The following OR2L13 variants were observed in gnomAD, a reference collection of about 807,000 sequenced individuals.
The protein encoded by OR2L13 is olfactory receptor family 2 subfamily L member 13, also known as olfactory receptor 2L13.
Under a neutral mutation model 15.3 loss-of-function variants are expected in OR2L13, and 14 were observed. That is an observed-to-expected ratio of 0.91 (90% CI 0.60 to 1.43). The LOEUF (loss-of-function observed/expected upper bound fraction) is 1.43. OR2L13 is among the 40% of genes most tolerant of loss of function. The probability of loss-of-function intolerance (pLI) is 0.00; values close to 1 mark genes in which losing one functional copy is unlikely to be tolerated. For synonymous variants in OR2L13, 152 were observed against 142.9 expected (o/e 1.06, Z -0.45); for missense variants, 367 against 387.9 (o/e 0.95, Z 0.45).
the OR2L13 span, among the ~76,000 whole-genome samples, chr1:248,006,623 A>T: frequency 6.6e-6 from 1 of 151,972 alleles, no homozygotes; most frequent in South Asian, 2.1e-4. Context: ...TACTCCCCAA[A>T]TCCATATGCT....
the OR2L13 span, chr1:248,023,981 C>G: frequency 6.6e-6 from 1 of 152,078 alleles, no homozygotes; most frequent in Non-Finnish European, 1.5e-5. Flanking sequence ...AACTATTTAT[C>G]TGAAGAATAA....
the OR2L13 span, among the ~76,000 whole-genome samples, chr1:247,973,112 T>C: frequency 9.4e-4 from 143 of 152,258 alleles, no homozygotes; most frequent in African/African-American, 3.3e-3. Context: ...AATTAGGTAT[T>C]GATGAAATAT....
the OR2L13 span, chr1:248,061,536 C>T: frequency 1.9e-6 from 3 of 1,613,912 alleles, no homozygotes; most frequent in Non-Finnish European, 2.5e-6. Flanking sequence ...CAATGCTCAA[C>T]CCCATCATCT....
chr1:248,100,097 C>G lies in OR2L13; in HGVS notation c.722C>G (p.Ser241Ter). Residue 241 changes from serine (S) to a stop codon, truncating the protein, a stop_gained, in exon 3 of 3, where the codon TCA becomes TGA. Coordinates refer to ENST00000641714, the Ensembl canonical transcript of OR2L13. LOFTEE classifies it high-confidence loss of function. ...AGAAAAAAGGCCTTCACCACCATTT[C>G]AACACATTTAACTGTAGTGATCTTT... 4 of 1,614,050 alleles carry G rather than the reference C, an allele frequency of 2.5e-6. No individual in the cohort carries two copies. Among genetic ancestry groups the G allele is most frequent in the Non-Finnish European group, 3.4e-6 (4 of 1,179,926 alleles).
the OR2L13 span, among the ~76,000 whole-genome samples, chr1:247,959,004 T>C: frequency 6.6e-6 from 1 of 152,186 alleles, no homozygotes; most frequent in Admixed American, 6.5e-5. Context: ...GCTGGTTATT[T>C]TGCTCGTTAG....
the OR2L13 span, among the ~76,000 whole-genome samples, chr1:248,024,867 T>C: frequency 6.6e-6 from 1 of 152,292 alleles, no homozygotes; most frequent in East Asian, 1.9e-4. Flanking sequence ...TTCTTTTGGC[T>C]TAGGATTGAC....
the OR2L13 span, among the ~76,000 whole-genome samples, chr1:247,987,504 T>G: frequency 6.6e-6 from 1 of 152,306 alleles, no homozygotes; most frequent in African/African-American, 2.4e-5. Flanking sequence ...GGTTAAATTC[T>G]TAACCGTGAT....
chr1:248,003,287 C>T, the OR2L13 span: 1 of 1,575,558 alleles, frequency 6.3e-7, no homozygotes, highest in Middle Eastern at 1.7e-4. Flanking sequence ...CTTGGACACT[C>T]ATCTCCACAC....
chr1:248,043,666 GCA>G, the OR2L13 span, among the ~76,000 whole-genome samples: 1 of 152,118 alleles, frequency 6.6e-6, no homozygotes, highest in Non-Finnish European at 1.5e-5. Context: ...CATGGATCCT[GCA>G]CAAGGAAGAA....
chr1:248,039,555 C>A, the OR2L13 span: 4 of 167,292 alleles, frequency 2.4e-5, no homozygotes, highest in South Asian at 4.5e-4. Flanking sequence ...AAGTTAGCTG[C>A]GATTACAGGT....
chr1:247,969,252 G>C, the OR2L13 span, among the ~76,000 whole-genome samples: 1 of 150,976 alleles, frequency 6.6e-6, no homozygotes, highest in Admixed American at 6.6e-5. Context: ...TTAGCCCTTT[G>C]TCAGATGGGT....
At chr1:247,965,390 A>G in the OR2L13 span, 6 of 1,609,750 alleles carry the variant, frequency 3.7e-6, no homozygotes, top group Non-Finnish European at 4.2e-6. Context: ...AAAACAGGAA[A>G]TCAAAGTTTT....
the OR2L13 span, among the ~76,000 whole-genome samples, chr1:247,961,845 A>G: frequency 1.8e-3 from 279 of 152,296 alleles, 3 homozygotes; most frequent in African/African-American, 6.2e-3. Flanking sequence ...ACACTTTGGC[A>G]AAGGCCAAAA....
the OR2L13 span, among the ~76,000 whole-genome samples, chr1:247,987,786 AC>A: frequency 6.6e-6 from 1 of 151,558 alleles, no homozygotes; most frequent in South Asian, 2.1e-4. Flanking sequence ...CAGCATCACT[AC>A]CCCCAAACTC....
the OR2L13 span, among the ~76,000 whole-genome samples, chr1:248,085,421 T>TAAAAG: frequency 1.6e-5 from 1 of 63,716 alleles, no homozygotes; most frequent in Non-Finnish European, 2.9e-5. Flanking sequence ...AATAAAATAA[T>TAAAAG]AAAATAAAAT....
chr1:247,976,201 A>G, the OR2L13 span, among the ~76,000 whole-genome samples: 11 of 152,280 alleles, frequency 7.2e-5, no homozygotes, highest in African/African-American at 2.4e-4. Context: ...TATAGGAGTT[A>G]CAGTCTACTG....
chr1:247,963,250 A>G, the OR2L13 span, among the ~76,000 whole-genome samples: 10 of 152,328 alleles, frequency 6.6e-5, 1 homozygote, highest in South Asian at 1.7e-3. Flanking sequence ...GGGGAGTTCC[A>G]GGAACGGAGG....
At chr1:248,065,623 C>G in the OR2L13 span, among the ~76,000 whole-genome samples, 4 of 139,020 alleles carry the variant, frequency 2.9e-5, no homozygotes, top group African/African-American at 7.9e-5. Context: ...TGTGATGTTC[C>G]CCTTCCTGTG....
the OR2L13 span, among the ~76,000 whole-genome samples, chr1:247,941,964 A>G: frequency 6.6e-6 from 1 of 152,134 alleles, no homozygotes; most frequent in Non-Finnish European, 1.5e-5. Flanking sequence ...TTGTGTTACT[A>G]TGACTGTAGC....
Sources: allele counts gnomAD v4.1 joint callset (sites outside exome capture counted in the v4.1 genomes callset), GRCh38; gene constraint gnomAD v4.1.1; transcripts MANE v1.5; gene names NCBI Gene and HGNC (gene_info 2026-07-23, HGNC 2026-07-21).